Variants in NEGR1 observed in about 807,000 individuals in gnomAD.
NEGR1 encodes IgLON family member 4.
Under a neutral mutation model 40.9 loss-of-function variants are expected in NEGR1, and 10 were observed. The observed-to-expected ratio is 0.24, with a 90% CI of 0.15 to 0.42. NEGR1 has a LOEUF of 0.42. Ranked by LOEUF, NEGR1 falls within the 10% of genes least tolerant of loss-of-function variation. The pLI is 1.00. For synonymous variants in NEGR1, 185 were observed against 166.8 expected (o/e 1.11, Z -0.84); for missense variants, 352 against 438.9 (o/e 0.80, Z 1.77).
intron 3 of NEGR1, among the ~76,000 whole-genome samples, chr1:71,761,115 A>C (rs10789325): frequency 0.38 from 57,283 of 151,974 alleles, 11,183 homozygotes; most frequent in East Asian, 0.61. Context: ...TGCTAAATCT[A>C]TATATCTCAG....
At chr1:72,193,566 G>T (rs1015395167) in intron 1 of NEGR1, among the ~76,000 whole-genome samples, 8 of 151,392 alleles carry the variant, frequency 5.3e-5, no homozygotes, top group South Asian at 2.1e-4. Context: ...TTGGAACAAA[G>T]AATTAGAAAC....
At chr1:71,908,376 A>G (rs1028167372) in intron 2 of NEGR1, among the ~76,000 whole-genome samples, 2 of 152,168 alleles carry the variant, frequency 1.3e-5, no homozygotes, top group Admixed American at 6.6e-5. Context: ...ATGTCTGAAT[A>G]CAAACATTGA....
rs377411940 is a variant in NEGR1 at position 71,446,933 on chromosome 1, ATTATG to A, written c.941-39368_941-39364del. Among the ~76,000 whole-genome samples the A allele has an allele frequency of 3.2e-4, 49 of 152,324 alleles. No individual in the cohort carries two copies. In the Middle Eastern group the frequency reaches 0.01, roughly 32 times the overall value. ...TGTGTCTGGCCAACTTTCATACAATATTATGTTTGTGAAATTCATTCATGATGTTG... is the reference window on the plus strand; with the variant it reads ...TGTGTCTGGCCAACTTTCATACAATATTTGTGAAATTCATTCATGATGTTG... On this transcript the variant is annotated intron_variant, in intron 6 of 6. Coordinates refer to ENST00000357731, the MANE Select transcript of NEGR1 (RefSeq NM_173808.3).
At chr1:71,872,028 T>C (rs1373989397) in intron 2 of NEGR1, among the ~76,000 whole-genome samples, 3 of 152,312 alleles carry the variant, frequency 2.0e-5, no homozygotes, top group South Asian at 4.1e-4. Context: ...CTATAAAATT[T>C]AGTACTCTGG....
Position 71,750,720 on chromosome 1 carries a change from C to T in NEGR1, c.535+25452G>A, listed in dbSNP as rs541683570. 4.6e-5 allele frequency among the ~76,000 whole-genome samples: 7 copies of T among 152,262 alleles called. No homozygotes were observed. In the East Asian group the frequency reaches 1.2e-3, roughly 25 times the overall value. ...TGTGGGAATGGTAGGAGGTACAATT[C>T]AAGATGAGATTTGGGTGGGGACACA... On this transcript the variant is annotated intron_variant, in intron 3 of 6. Coordinates refer to ENST00000357731, the MANE Select transcript of NEGR1 (RefSeq NM_173808.3).
At chr1:72,074,531 G>C (rs11209904) in intron 1 of NEGR1, among the ~76,000 whole-genome samples, 2,061 of 151,932 alleles carry the variant, frequency 0.014, 46 homozygotes, top group African/African-American at 0.047. Context: ...CACTGAAAAA[G>C]GACTTTTGCT....
intron 2 of NEGR1, among the ~76,000 whole-genome samples, chr1:71,841,451 T>C (rs1659235192): frequency 6.6e-6 from 1 of 152,138 alleles, no homozygotes; most frequent in African/African-American, 2.4e-5. Context: ...GACCGATGCA[T>C]AGAAGCATTT....
intron 3 of NEGR1, among the ~76,000 whole-genome samples, chr1:71,728,361 T>A (rs573298518): frequency 1.6e-4 from 24 of 152,190 alleles, no homozygotes; most frequent in Non-Finnish European, 2.6e-4. Flanking sequence ...ATTAGGGAGA[T>A]GAAACTAGAA....
Position 71,584,699 on chromosome 1 carries a change from T to C in NEGR1, c.940+8118A>G, listed in dbSNP as rs185429650. ...GCTTGATAAGTATGCTCCAAGAAAC[T>C]TCTCAGAAGTGCTGGGAAAGAAATA... On this transcript the variant is annotated intron_variant, in intron 6 of 6. Coordinates refer to ENST00000357731, the MANE Select transcript of NEGR1 (RefSeq NM_173808.3). Among the ~76,000 whole-genome samples, 594 of 152,222 alleles carry C rather than the reference T, an allele frequency of 3.9e-3. 5 individuals are homozygous for C. Among genetic ancestry groups the C allele is most frequent in the Non-Finnish European group, 4.5e-3 (308 of 68,000 alleles).
At chr1:71,731,061 C>A (rs967152779) in intron 3 of NEGR1, among the ~76,000 whole-genome samples, 1 of 151,804 alleles carries the variant, frequency 6.6e-6, no homozygotes, top group Non-Finnish European at 1.5e-5. Context: ...TCAGAAAGCA[C>A]GAATAGAAAC....
intron 2 of NEGR1, among the ~76,000 whole-genome samples, chr1:71,906,707 G>A (rs1009502371): frequency 2.1e-4 from 32 of 152,084 alleles, no homozygotes; most frequent in African/African-American, 7.2e-4. Flanking sequence ...AGACGCATAT[G>A]TCCTATTAAC....
At chr1:72,012,614 G>C (rs1320589686) in intron 1 of NEGR1, among the ~76,000 whole-genome samples, 1 of 151,818 alleles carries the variant, frequency 6.6e-6, no homozygotes, top group African/African-American at 2.4e-5. Flanking sequence ...AAATGGACCT[G>C]GTTAAGAACC....
chr1:71,499,494 A>C (rs1191810566), intron 6 of NEGR1, among the ~76,000 whole-genome samples: 1 of 148,070 alleles, frequency 6.8e-6, no homozygotes, highest in Non-Finnish European at 1.5e-5. Context: ...TGTATATATA[A>C]TTGTATATGT....
chr1:72,116,352 A>G (rs1307633481), intron 1 of NEGR1, among the ~76,000 whole-genome samples: 3 of 151,798 alleles, frequency 2.0e-5, no homozygotes, highest in Non-Finnish European at 4.4e-5. Context: ...AAAGTAGCAA[A>G]TGCATTAGAG....
chr1:72,058,098 T>G (rs1647128787), intron 1 of NEGR1, among the ~76,000 whole-genome samples: 2 of 151,498 alleles, frequency 1.3e-5, no homozygotes, highest in Admixed American at 6.6e-5. Flanking sequence ...GGACCCATAT[T>G]CAAGTTCTGC....
chr1:71,853,602 C>A (rs1043652089), intron 2 of NEGR1, among the ~76,000 whole-genome samples: 1 of 152,006 alleles, frequency 6.6e-6, no homozygotes, highest in African/African-American at 2.4e-5. Context: ...AAATTAGATA[C>A]TCTCACTAGA....
At chr1:72,219,609 A>G (rs575751674) in intron 1 of NEGR1, among the ~76,000 whole-genome samples, 20 of 152,196 alleles carry the variant, frequency 1.3e-4, no homozygotes, top group Admixed American at 2.6e-4. Flanking sequence ...TATAACTAAT[A>G]CATGATTTGA....
intron 6 of NEGR1, among the ~76,000 whole-genome samples, chr1:71,543,038 T>G (rs964634449): frequency 6.6e-6 from 1 of 151,720 alleles, no homozygotes; most frequent in Non-Finnish European, 1.5e-5. Flanking sequence ...AAAAACCACT[T>G]TTGCTTATGT....
At chr1:71,771,314 G>A (rs1656312937) in intron 3 of NEGR1, among the ~76,000 whole-genome samples, 1 of 152,012 alleles carries the variant, frequency 6.6e-6, no homozygotes, top group Non-Finnish European at 1.5e-5. Flanking sequence ...TCGGGGCTAG[G>A]GTAGAGATAG....
Sources: gnomAD v4.1 joint callset for allele counts (sites outside exome capture counted in the v4.1 genomes callset) on GRCh38, gnomAD v4.1.1 for gene constraint, MANE v1.5 for transcripts, NCBI Gene and HGNC (gene_info 2026-07-23, HGNC 2026-07-21) for gene names.